Variants in STXBP5 observed in about 807,000 individuals in gnomAD.
STXBP5 encodes syntaxin binding protein 5.
STXBP5 carries 50 observed loss-of-function variants against 152.4 expected under a neutral mutation model. The observed-to-expected ratio is 0.33, with a 90% CI of 0.26 to 0.42. The LOEUF (loss-of-function observed/expected upper bound fraction) is 0.42. STXBP5 is among the 10% of genes least tolerant of loss of function. The probability of loss-of-function intolerance (pLI) is 1.00; values close to 1 mark genes in which losing one functional copy is unlikely to be tolerated. For missense variants in STXBP5, 1,167 were observed against 1,388.6 expected (o/e 0.84, Z 2.54); for synonymous variants, 492 against 494.7 (o/e 0.99, Z 0.07).
intron 23 of STXBP5, among the ~76,000 whole-genome samples, chr6:147,362,977 G>A (rs1785131955): frequency 6.6e-6 from 1 of 152,186 alleles, no homozygotes; most frequent in Non-Finnish European, 1.5e-5. Context: ...CTATCCACTT[G>A]CTCTCCTGCT....
chr6:147,369,588 A>T (rs1400780496), intron 25 of STXBP5, among the ~76,000 whole-genome samples: 1 of 152,054 alleles, frequency 6.6e-6, no homozygotes, highest in Non-Finnish European at 1.5e-5. Flanking sequence ...TCTCTAGAAT[A>T]TATGAATGAC....
chr6:147,263,581 A>C (rs1181681830), intron 6 of STXBP5, among the ~76,000 whole-genome samples: 1 of 151,926 alleles, frequency 6.6e-6, no homozygotes, highest in Non-Finnish European at 1.5e-5. Flanking sequence ...TTTTCTTGAA[A>C]TATAGCCCTA....
intron 8 of STXBP5, among the ~76,000 whole-genome samples, chr6:147,288,586 T>TTGTGGGAGAGCAAGTTCATCG (rs1781114099): frequency 6.6e-6 from 1 of 152,198 alleles, no homozygotes; most frequent in Non-Finnish European, 1.5e-5. Flanking sequence ...ACTTTCATTT[T>TTGTGGGAGAGCAAGTTCATCG]TGTGGGAGAG....
chr6:147,342,352 T>TG (rs1204594699), intron 21 of STXBP5, among the ~76,000 whole-genome samples: 1 of 152,094 alleles, frequency 6.6e-6, no homozygotes, highest in East Asian at 1.9e-4. Flanking sequence ...GCTTCATAGT[T>TG]TATTTCCTGA....
intron 4 of STXBP5, among the ~76,000 whole-genome samples, chr6:147,244,193 G>A (rs1266688715): frequency 1.3e-5 from 2 of 152,126 alleles, no homozygotes; most frequent in Non-Finnish European, 2.9e-5. Context: ...ATGCAAATAC[G>A]ATACAGTTTT....
chr6:147,305,789 A>C (rs187810948), intron 9 of STXBP5, among the ~76,000 whole-genome samples: 2 of 152,298 alleles, frequency 1.3e-5, no homozygotes, highest in Admixed American at 1.3e-4. Flanking sequence ...TAGAGTGGTA[A>C]AGTTTAGGTA....
At chr6:147,257,316 G>A (rs2115320374) in intron 4 of STXBP5, among the ~76,000 whole-genome samples, 1 of 151,190 alleles carries the variant, frequency 6.6e-6, no homozygotes, top group East Asian at 2.0e-4. Context: ...TCCATTTTAA[G>A]GTAACTTTTC....
At chr6:147,327,401 C>A in intron 18 of STXBP5, 125 bp downstream of exon 18, 1 of 1,144,524 alleles carries the variant, frequency 8.7e-7, no homozygotes, top group Non-Finnish European at 1.2e-6. Context: ...ATATAAACTG[C>A]CAAAAACTAG....
intron 18 of STXBP5, among the ~76,000 whole-genome samples, chr6:147,333,765 G>A (rs1030650038): frequency 6.6e-6 from 1 of 152,184 alleles, no homozygotes; most frequent in African/African-American, 2.4e-5. Context: ...ATCCATCGAT[G>A]TGACACCTGA....
At chr6:147,234,008 T>C (rs1162946753) in intron 2 of STXBP5, among the ~76,000 whole-genome samples, 1 of 151,286 alleles carries the variant, frequency 6.6e-6, no homozygotes, top group Non-Finnish European at 1.5e-5. Flanking sequence ...TGGAAAAAAC[T>C]CTTGAAAATG....
intron 9 of STXBP5, among the ~76,000 whole-genome samples, chr6:147,294,246 C>G (rs955281580): frequency 9.2e-5 from 14 of 151,964 alleles, no homozygotes; most frequent in Non-Finnish European, 1.9e-4. Flanking sequence ...TGTGTGAACT[C>G]CGGAGTCAGA....
intron 5 of STXBP5, among the ~76,000 whole-genome samples, chr6:147,261,308 C>A (rs1779627271): frequency 6.6e-6 from 1 of 151,850 alleles, no homozygotes; most frequent in Non-Finnish European, 1.5e-5. Flanking sequence ...GTAACAAAAA[C>A]TAGGTTAAAC....
At position 147,317,512 on chromosome 6, in the gene STXBP5, G is replaced by A. The variant is rs750036003; in HGVS notation, c.1802+1105G>A. ...AGGGAGATGCTATTGACACTTAGTG[G>A]GTAGAGGCCAGGGATAATGTTAAAT... is the stretch of plus-strand genomic sequence containing the variant. On this transcript the variant is annotated intron_variant, in intron 16 of 27. Coordinates refer to ENST00000321680, the MANE Select transcript of STXBP5 (RefSeq NM_001127715.4). Among the ~76,000 whole-genome samples, 4 of 152,034 alleles carry A rather than the reference G, an allele frequency of 2.6e-5. No homozygotes were observed. In the East Asian group the frequency reaches 5.8e-4, roughly 22 times the overall value.
In STXBP5 at chr6:147,324,930, T is replaced by C. The variant is rs765854847; in HGVS notation, c.1803-29T>C. 4 of 1,466,754 alleles carry C rather than the reference T, an allele frequency of 2.7e-6. No individual in the cohort carries two copies. In the South Asian group the frequency reaches 6.1e-5, roughly 22 times the overall value. 90.9% of individuals were successfully genotyped at this position (1,466,754 alleles called of 1,614,324 possible). A position where few individuals can be genotyped will look rare whatever the true frequency, so the allele number is the denominator to read the frequency against. ...TATAGGCCAATAGTTGAAAATGGTT[T>C]AAAGATACCATGTTTTCTTTTATTT... On this transcript the variant is annotated intron_variant, in intron 16 of 27. Transcript: ENST00000321680.
intron 2 of STXBP5, among the ~76,000 whole-genome samples, chr6:147,208,463 A>G (rs1418070937): frequency 6.6e-6 from 1 of 152,128 alleles, no homozygotes; most frequent in East Asian, 1.9e-4. Flanking sequence ...CCGAATCTCC[A>G]CATTTGGTTA....
intron 4 of STXBP5, among the ~76,000 whole-genome samples, chr6:147,243,312 T>G (rs1778641502): frequency 6.6e-6 from 1 of 152,208 alleles, no homozygotes; most frequent in South Asian, 2.1e-4. Context: ...CTCATTGTTA[T>G]TTTAATTTGC....
At chr6:147,308,096 A>G (rs1259733926) in intron 9 of STXBP5, among the ~76,000 whole-genome samples, 1 of 152,224 alleles carries the variant, frequency 6.6e-6, no homozygotes, top group Non-Finnish European at 1.5e-5. Flanking sequence ...CAAGTCTTCC[A>G]TTCTAAAAAT....
intron 8 of STXBP5, among the ~76,000 whole-genome samples, chr6:147,279,768 C>T (rs900374311): frequency 1.3e-5 from 2 of 152,222 alleles, no homozygotes; most frequent in African/African-American, 4.8e-5. Flanking sequence ...CTCATCTCGA[C>T]ACTCCTAAAA....
Position 147,389,798 on chromosome 6 carries a change from G to A in STXBP5, c.*5043G>A, listed in dbSNP as rs1786507088. On this transcript the variant is annotated 3_prime_UTR_variant, in exon 28 of 28. Coordinates refer to ENST00000321680, the MANE Select transcript of STXBP5 (RefSeq NM_001127715.4). ...AATCAACATAGCAATGGAAAGCAAT[G>A]CAAAGAGGGTAAATCTTGTTTTAAT... 6.6e-6 allele frequency: 1 copy of A among 151,684 alleles called. No homozygotes were observed. The highest frequency in any genetic ancestry group is 1.5e-5 in the Non-Finnish European group (1 of 67,794). The allele number at this position is 151,684 out of a possible 1,614,324, so 9.4% of individuals were successfully genotyped here.
Sources: allele counts gnomAD v4.1 joint callset (sites outside exome capture counted in the v4.1 genomes callset), GRCh38; gene constraint gnomAD v4.1.1; transcripts MANE v1.5; gene names NCBI Gene and HGNC (gene_info 2026-07-23, HGNC 2026-07-21).